Variants in BCL2L2 observed in about 807,000 individuals in gnomAD.
BCL2L2 encodes the protein BCL2 like 2.
In BCL2L2, 6 loss-of-function variants were observed where a neutral mutation model predicts 14.6. The observed-to-expected ratio is 0.41, with a 90% CI of 0.22 to 0.81. BCL2L2 has a LOEUF of 0.81. BCL2L2 is among the 30% of genes least tolerant of loss of function. BCL2L2 has a pLI of 0.32. For synonymous variants in BCL2L2, 90 were observed against 108.5 expected (o/e 0.83, Z 1.06); for missense variants, 191 against 260.5 (o/e 0.73, Z 1.84).
Position 23,309,849 on chromosome 14 carries a change from A to G in BCL2L2, c.*884A>G. On this transcript the variant is annotated 3_prime_UTR_variant, in exon 4 of 4. Transcript: ENST00000250405. ...CCACCCTCCTCTCCCACTCAGGCACAATGGTGCCTAAAGTGTTTCCAATCT... is the reference window on the plus strand; with the variant it reads ...CCACCCTCCTCTCCCACTCAGGCACGATGGTGCCTAAAGTGTTTCCAATCT... 1 of 985,486 alleles carries G rather than the reference A, an allele frequency of 1.0e-6. No homozygotes were observed. Among genetic ancestry groups the G allele is most frequent in the Non-Finnish European group, 1.2e-6 (1 of 829,958 alleles). 61.0% of individuals were successfully genotyped at this position (985,486 alleles called of 1,614,324 possible).
At position 23,307,934 on chromosome 14, in the gene BCL2L2, G is replaced by C; in HGVS notation, c.167G>C (p.Arg56Pro). ...GCAGCTGGAGATGAGTTCGAGACCC[G>C]CTTCCGGCGCACCTTCTCTGATCTG... ...MRAAGDEFET[R>P]FRRTFSDLAA... The change falls in exon 3 of 4, where the codon CGC becomes CCC. Residue 56 changes from arginine (R) to proline (P), a missense_variant. Physicochemically the swap from Arg to Pro is moderately radical, Grantham distance 103. Coordinates refer to ENST00000250405, the MANE Select transcript of BCL2L2 (RefSeq NM_004050.5). The C allele has an allele frequency of 6.2e-7, 1 of 1,613,836 alleles. No homozygotes were observed. Among genetic ancestry groups the C allele is most frequent in the Non-Finnish European group, 8.5e-7 (1 of 1,179,880 alleles).
In BCL2L2 at chr14:23,307,885, G is replaced by T; in HGVS notation, c.118G>T (p.Asp40Tyr). Residue 40 changes from aspartate to tyrosine, a missense_variant, in exon 3 of 4, where the codon GAC becomes TAC. Physicochemically the swap from Asp to Tyr is radical, Grantham distance 160. Coordinates refer to ENST00000250405, the MANE Select transcript of BCL2L2 (RefSeq NM_004050.5). Reference sequence around the variant, plus strand: ...TGGCCCCGGGGAGGGCCCAGCAGCTGACCCGCTGCACCAAGCCATGCGGGC... The same window carrying T: ...TGGCCCCGGGGAGGGCCCAGCAGCTTACCCGCTGCACCAAGCCATGCGGGC... The part of the protein sequence containing the change: ...GAGPGEGPAA[D>Y]PLHQAMRAAG... 2 of 1,612,910 alleles carry T rather than the reference G, an allele frequency of 1.2e-6. No individual in the cohort carries two copies. The highest frequency in any genetic ancestry group is 1.7e-6 in the Non-Finnish European group (2 of 1,179,560).
At position 23,308,122 on chromosome 14, in the gene BCL2L2, G is replaced by A. The variant is rs963705692; in HGVS notation, c.355G>A (p.Val119Met). Residue 119 changes from valine (V) to methionine (M), a missense_variant, in exon 3 of 4, where the codon GTG (valine) becomes ATG (methionine). Val to Met is a conservative substitution (Grantham distance 21). Coordinates refer to ENST00000250405, the MANE Select transcript of BCL2L2 (RefSeq NM_004050.5). This position sits in a 1 kb window ranked among gnomAD's most constrained non-coding sequence, Gnocchi z 5.4. ...TGTCAACAAGGAGATGGAACCACTG[G>A]TGGGACAAGTGCAGGAGTGGATGGT... ...ESVNKEMEPL[V>M]GQVQEWMVAY... is the part of the protein sequence containing the mutation. 24 of 1,613,744 alleles carry A rather than the reference G, an allele frequency of 1.5e-5. No homozygotes were observed. The highest frequency in any genetic ancestry group is 2.0e-5 in the Non-Finnish European group (24 of 1,180,038).
chr14:23,310,973 G>A lies in BCL2L2; in HGVS notation c.*2008G>A. 7.8e-7 allele frequency: 1 copy of A among 1,289,576 alleles called. No individual in the cohort carries two copies. Among genetic ancestry groups the A allele is most frequent in the Non-Finnish European group, 1.0e-6 (1 of 988,682 alleles). The allele number at this position is 1,289,576 out of a possible 1,614,324, so 79.9% of individuals were successfully genotyped here. A position where few individuals can be genotyped will look rare whatever the true frequency, so the allele number is the denominator to read the frequency against. On this transcript the variant is annotated 3_prime_UTR_variant, in exon 4 of 4. Transcript: ENST00000250405. ...TTGGAGTCTGTGCTTCCTTCCCCAG[G>A]TATGGAGCACACTCTTCACCCTACC...
At position 23,308,821 on chromosome 14, in the gene BCL2L2, G is replaced by A; in HGVS notation, c.438G>A (p.Glu146=). ...DWIHSSGGWA[E]FTALYGDGAL... ...GCTTCCCTTCTCTCCCACAGGCGGA[G>A]TTCACAGCTCTATACGGGGACGGGG... The change falls in exon 4 of 4, where the codon GAG becomes GAA. Residue 146 remains glutamate (E), a synonymous_variant. Transcript: ENST00000250405. This position sits in a 1 kb window ranked among gnomAD's most constrained non-coding sequence, Gnocchi z 5.4. 7.6e-7 allele frequency: 1 copy of A among 1,321,924 alleles called. No individual in the cohort carries two copies. The highest frequency in any genetic ancestry group is 9.7e-7 in the Non-Finnish European group (1 of 1,028,052). The allele number at this position is 1,321,924 out of a possible 1,614,324, so 81.9% of individuals were successfully genotyped here. A position where few individuals can be genotyped will look rare whatever the true frequency, so the allele number is the denominator to read the frequency against.
rs1887530454 is a variant in BCL2L2, at chr14:23,310,345, G to A, written c.*1380G>A. On this transcript the variant is annotated 3_prime_UTR_variant, in exon 4 of 4. Coordinates refer to ENST00000250405, the MANE Select transcript of BCL2L2 (RefSeq NM_004050.5). Reference sequence around the variant, plus strand: ...AGACCTCACTGCTGCACTTTCCAAGGTGCTAAGATTGCTGCTCTCCAATGC... The same window carrying A: ...AGACCTCACTGCTGCACTTTCCAAGATGCTAAGATTGCTGCTCTCCAATGC... The A allele has an allele frequency of 1.0e-5, 10 of 988,314 alleles. No individual in the cohort carries two copies. In the South Asian group the frequency reaches 3.3e-4, roughly 32 times the overall value. The allele number at this position is 988,314 out of a possible 1,614,324, so 61.2% of individuals were successfully genotyped here. A position where few individuals can be genotyped will look rare whatever the true frequency, so the allele number is the denominator to read the frequency against.
rs191138928 is a variant in BCL2L2 at position 23,310,663 on chromosome 14, G to C, written c.*1698G>C. 5.3e-6 allele frequency: 6 copies of C among 1,138,624 alleles called. No individual in the cohort carries two copies. The highest frequency in any genetic ancestry group is 6.5e-6 in the Non-Finnish European group (6 of 919,222). The allele number at this position is 1,138,624 out of a possible 1,614,324, so 70.5% of individuals were successfully genotyped here. A position where few individuals can be genotyped will look rare whatever the true frequency, so the allele number is the denominator to read the frequency against. On this transcript the variant is annotated 3_prime_UTR_variant, in exon 4 of 4. Transcript: ENST00000250405. ...ACCAGAAACTCAGAGCCAGCTTGTG[G>C]CAAGCAGTTGGGGTGGGGGGTCTCT...
chr14:23,310,301 C>A lies in BCL2L2; in HGVS notation c.*1336C>A. On this transcript the variant is annotated 3_prime_UTR_variant, in exon 4 of 4. Transcript: ENST00000250405. ...CTTTTGAGGAAGAAATTATTCACTC[C>A]AGATGCATGCCCTGAGCCAGACCTC... 1 of 986,372 alleles carries A rather than the reference C, an allele frequency of 1.0e-6. No homozygotes were observed. Among genetic ancestry groups the A allele is most frequent in the Non-Finnish European group, 1.2e-6 (1 of 830,328 alleles). 61.1% of individuals were successfully genotyped at this position (986,372 alleles called of 1,614,324 possible).
In BCL2L2 at chr14:23,310,677, T is replaced by TC; in HGVS notation, c.*1712_*1713insC. On this transcript the variant is annotated 3_prime_UTR_variant, in exon 4 of 4. Transcript: ENST00000250405. The stretch of plus-strand genomic sequence containing the variant: ...GCCAGCTTGTGGCAAGCAGTTGGGG[T>TC]GGGGGGTCTCTGACTTGCTCAGGAC... 1 of 1,138,476 alleles carries TC rather than the reference T, an allele frequency of 8.8e-7. No homozygotes were observed. The highest frequency in any genetic ancestry group is 1.8e-5 in the South Asian group (1 of 54,278). The allele number at this position is 1,138,476 out of a possible 1,614,324, so 70.5% of individuals were successfully genotyped here.
rs747642731 is a variant in BCL2L2, at chr14:23,308,995, G to C, written c.*30G>C. The C allele has an allele frequency of 7.6e-7, 1 of 1,320,268 alleles. No homozygotes were observed. Among genetic ancestry groups the C allele is most frequent in the Admixed American group, 3.1e-5 (1 of 32,758 alleles). The allele number at this position is 1,320,268 out of a possible 1,614,324, so 81.8% of individuals were successfully genotyped here. A position where few individuals can be genotyped will look rare whatever the true frequency, so the allele number is the denominator to read the frequency against. On this transcript the variant is annotated 3_prime_UTR_variant, in exon 4 of 4. Transcript: ENST00000250405. This position sits in a 1 kb window ranked among gnomAD's most constrained non-coding sequence, Gnocchi z 5.4. ...CCAGGGCCAGGTGGGGCTAGGTGTG[G>C]CTGGGGGCCAGGAGAGCAGGAACAG...
At position 23,310,029 on chromosome 14, in the gene BCL2L2, C is replaced by G. The variant is rs1257635898; in HGVS notation, c.*1064C>G. ...ATGCCTTGAGATGACCATTTCAGAT[C>G]TGAATCCCATGGGTGTGAGGGTGAT... On this transcript the variant is annotated 3_prime_UTR_variant, in exon 4 of 4. Transcript: ENST00000250405. 2 of 985,416 alleles carry G rather than the reference C, an allele frequency of 2.0e-6. No homozygotes were observed. Among genetic ancestry groups the G allele is most frequent in the South Asian group, 9.4e-5 (2 of 21,284 alleles). 61.0% of individuals were successfully genotyped at this position (985,416 alleles called of 1,614,324 possible). A position where few individuals can be genotyped will look rare whatever the true frequency, so the allele number is the denominator to read the frequency against.
chr14:23,311,453 T>A lies in BCL2L2; in HGVS notation c.*2488T>A. 1 of 1,043,702 alleles carries A rather than the reference T, an allele frequency of 9.6e-7. No individual in the cohort carries two copies. 64.7% of individuals were successfully genotyped at this position (1,043,702 alleles called of 1,614,324 possible). On this transcript the variant is annotated 3_prime_UTR_variant, in exon 4 of 4. Transcript: ENST00000250405. ...GCTCTCCAGAGCCCAAAGGGACAAA[T>A]AGGGACTTTGTTTAGGCCAAGGAAG...
chr14:23,309,862 G>A lies in BCL2L2; in HGVS notation c.*897G>A, dbSNP rs1831734827. 1.8e-5 allele frequency: 18 copies of A among 985,468 alleles called. No individual in the cohort carries two copies. Among genetic ancestry groups the A allele is most frequent in the Non-Finnish European group, 2.2e-5 (18 of 829,952 alleles). The allele number at this position is 985,468 out of a possible 1,614,324, so 61.0% of individuals were successfully genotyped here. A position where few individuals can be genotyped will look rare whatever the true frequency, so the allele number is the denominator to read the frequency against. ...CCACTCAGGCACAATGGTGCCTAAA[G>A]TGTTTCCAATCTCTGGGACCTCTGT... On this transcript the variant is annotated 3_prime_UTR_variant, in exon 4 of 4. Transcript: ENST00000250405.
rs1887609201 is a variant in BCL2L2, at chr14:23,311,479, G to C, written c.*2514G>C. The C allele has an allele frequency of 9.9e-7, 1 of 1,014,540 alleles. No homozygotes were observed. The highest frequency in any genetic ancestry group is 3.9e-5 in the South Asian group (1 of 25,460). The allele number at this position is 1,014,540 out of a possible 1,614,324, so 62.8% of individuals were successfully genotyped here. On this transcript the variant is annotated 3_prime_UTR_variant, in exon 4 of 4. Transcript: ENST00000250405. Reference sequence around the variant, plus strand: ...AGGGACTTTGTTTAGGCCAAGGAAGGAGCGGAAGTAGGGCAACTCGGTCCT... The same window carrying C: ...AGGGACTTTGTTTAGGCCAAGGAAGCAGCGGAAGTAGGGCAACTCGGTCCT...
chr14:23,310,413 G>T lies in BCL2L2; in HGVS notation c.*1448G>T. ...GCTCTAGAACCCTGCCTGTGGTCCTGAGCACTGATCACCTTAGCTAGACCA... is the reference window on the plus strand; with the variant it reads ...GCTCTAGAACCCTGCCTGTGGTCCTTAGCACTGATCACCTTAGCTAGACCA... On this transcript the variant is annotated 3_prime_UTR_variant, in exon 4 of 4. Transcript: ENST00000250405. 1.0e-6 allele frequency: 1 copy of T among 999,414 alleles called. No individual in the cohort carries two copies. Among genetic ancestry groups the T allele is most frequent in the Non-Finnish European group, 1.2e-6 (1 of 838,556 alleles). 61.9% of individuals were successfully genotyped at this position (999,414 alleles called of 1,614,324 possible). A position where few individuals can be genotyped will look rare whatever the true frequency, so the allele number is the denominator to read the frequency against.
At position 23,308,899 on chromosome 14, in the gene BCL2L2, A is replaced by T. The variant is rs1887428246; in HGVS notation, c.516A>T (p.Thr172=). 1 of 1,321,464 alleles carries T rather than the reference A, an allele frequency of 7.6e-7. No individual in the cohort carries two copies. The highest frequency in any genetic ancestry group is 9.7e-7 in the Non-Finnish European group (1 of 1,027,022). The allele number at this position is 1,321,464 out of a possible 1,614,324, so 81.9% of individuals were successfully genotyped here. A position where few individuals can be genotyped will look rare whatever the true frequency, so the allele number is the denominator to read the frequency against. Residue 172 remains threonine (T), a synonymous_variant, in exon 4 of 4, where the codon ACA becomes ACT. Coordinates refer to ENST00000250405, the MANE Select transcript of BCL2L2 (RefSeq NM_004050.5). This position sits in a 1 kb window ranked among gnomAD's most constrained non-coding sequence, Gnocchi z 5.4. ...LREGNWASVR[T]VLTGAVALGA... ...AGGGGAACTGGGCATCAGTGAGGAC[A>T]GTGCTGACGGGGGCCGTGGCACTGG...
chr14:23,311,188 C>T lies in BCL2L2; in HGVS notation c.*2223C>T, dbSNP rs2138433410. On this transcript the variant is annotated 3_prime_UTR_variant, in exon 4 of 4. Coordinates refer to ENST00000250405, the MANE Select transcript of BCL2L2 (RefSeq NM_004050.5). ...CCCAGAAGCATAGCTTAGATGGGACCACAGTGGGCAATTTTGACCTGTCCT... is the reference window on the plus strand; with the variant it reads ...CCCAGAAGCATAGCTTAGATGGGACTACAGTGGGCAATTTTGACCTGTCCT... 1 of 1,266,820 alleles carries T rather than the reference C, an allele frequency of 7.9e-7. No homozygotes were observed. The highest frequency in any genetic ancestry group is 2.8e-5 in the Admixed American group (1 of 35,780). The allele number at this position is 1,266,820 out of a possible 1,614,324, so 78.5% of individuals were successfully genotyped here.
chr14:23,307,489 G>A (rs888936876), intron 2 of BCL2L2, among the ~76,000 whole-genome samples: 1 of 152,184 alleles, frequency 6.6e-6, no homozygotes, highest in South Asian at 2.1e-4. Flanking sequence ...TTGAGCTGAC[G>A]TTGTCTTATT....
In BCL2L2 at chr14:23,310,585, A is replaced by C; in HGVS notation, c.*1620A>C. The C allele has an allele frequency of 9.3e-7, 1 of 1,070,200 alleles. No homozygotes were observed. Among genetic ancestry groups the C allele is most frequent in the Non-Finnish European group, 1.1e-6 (1 of 881,146 alleles). The allele number at this position is 1,070,200 out of a possible 1,614,324, so 66.3% of individuals were successfully genotyped here. A position where few individuals can be genotyped will look rare whatever the true frequency, so the allele number is the denominator to read the frequency against. ...GGCTGCACTTTTTCATGGTATTTCT[A>C]GGGGAGGTGGTAGGCTGCATGTGCC... is the stretch of plus-strand genomic sequence containing the variant. On this transcript the variant is annotated 3_prime_UTR_variant, in exon 4 of 4. Coordinates refer to ENST00000250405, the MANE Select transcript of BCL2L2 (RefSeq NM_004050.5).
Sources: allele counts gnomAD v4.1 joint callset (sites outside exome capture counted in the v4.1 genomes callset), GRCh38; gene constraint gnomAD v4.1.1; non-coding constraint Gnocchi (gnomAD v3.1); transcripts MANE v1.5; gene names NCBI Gene and HGNC (gene_info 2026-07-23, HGNC 2026-07-21).